Variants in ASB9 observed in about 807,000 individuals in gnomAD.
ASB9 encodes the protein ankyrin repeat and SOCS box containing 9.
In ASB9, 5 loss-of-function variants were observed where a neutral mutation model predicts 16.6. The ratio of observed to expected loss-of-function variants is 0.30; its 90% CI spans 0.16 to 0.63. The LOEUF is 0.63. Among genes scored for constraint, ASB9 ranks in the 30% least tolerant of loss-of-function variants. The pLI, the probability that ASB9 is intolerant of heterozygous loss-of-function variation, is 0.82. For missense variants in ASB9, 216 were observed against 229.4 expected, an observed-to-expected ratio of 0.94 and a Z score of 0.38; for synonymous variants, 100 against 86.4, an observed-to-expected ratio of 1.16 and a Z score of -0.87.
intron 2 of ASB9, among the ~76,000 whole-genome samples, chrX:15,257,409 AAATAAT>A (rs928149648): frequency 3.6e-5 from 4 of 110,003 alleles, no homozygotes; most frequent in African/African-American, 6.6e-5. Context: ...CATCTCAAAA[AAATAAT>A]AATAATAATA....
chrX:15,268,864 G>A (rs1448100394), intron 1 of ASB9, among the ~76,000 whole-genome samples: 1 of 110,690 alleles, frequency 9.0e-6, no homozygotes, highest in East Asian at 2.9e-4. Flanking sequence ...CAGCAGGGCT[G>A]CTGCAACACC....
chrX:15,259,080 C>G, intron 1 of ASB9, 135 bp from the exon 2 acceptor site: 1 of 409,001 alleles, frequency 2.4e-6, no homozygotes. Context: ...AAATTCCCAT[C>G]AGGAATTCAG....
rs748125526 is a variant in ASB9, at chrX:15,269,770, CT to C, written c.94+10del. 2 of 1,199,531 alleles carry C rather than the reference CT, an allele frequency of 1.7e-6. No individual in the cohort carries two copies. The highest frequency in any genetic ancestry group is 1.8e-5 in the African/African-American group (1 of 56,946). ...CTCCCCAGGGCTGATTCCACTGCCC[CT>C]ATGACTCACCGCCCATCAATGGGTT... On this transcript the variant is annotated intron_variant, in intron 1 of 6. Coordinates refer to ENST00000380488, the MANE Select transcript of ASB9 (RefSeq NM_001031739.3).
In ASB9 at chrX:15,270,073, C is replaced by T; in HGVS notation, c.-199G>A. ...CTACCTGTGATCAGAGAGAGGCATG[C>T]GCTCGTGTACACACACACACACACA... On this transcript the variant is annotated 5_prime_UTR_variant, in exon 1 of 7. Transcript: ENST00000380488. 2.8e-6 allele frequency: 1 copy of T among 353,385 alleles called. No individual in the cohort carries two copies. The highest frequency in any genetic ancestry group is 4.8e-5 in the East Asian group (1 of 20,753). The allele number at this position is 353,385 out of a possible 1,213,427, so 29.1% of individuals were successfully genotyped here.
At chrX:15,251,068 G>A (rs1157103352) in intron 4 of ASB9, among the ~76,000 whole-genome samples, 1 of 112,489 alleles carries the variant, frequency 8.9e-6, no homozygotes, top group Non-Finnish European at 1.9e-5. Context: ...TTTGACCATA[G>A]GATGCAATCT....
chrX:15,262,650 G>A lies in ASB9; in HGVS notation c.95-3705C>T, dbSNP rs763829402. Among the ~76,000 whole-genome samples, 121 of 112,665 alleles carry A rather than the reference G, an allele frequency of 1.1e-3. No individual in the cohort carries two copies. The Admixed American group carries it at 0.011, about 10-fold the overall frequency. On this transcript the variant is annotated intron_variant, in intron 1 of 6. Transcript: ENST00000380488. The stretch of plus-strand genomic sequence containing the variant: ...GTGTGTAATGTTCTGTTGGTTTTTT[G>A]AGACGGAGTCTCATTCTGTCACCCA...
Position 15,269,793 on chromosome X carries a change from G to A in ASB9, c.82C>T (p.Pro28Ser). 1 of 1,207,242 alleles carries A rather than the reference G, an allele frequency of 8.3e-7. No homozygotes were observed. Among genetic ancestry groups the A allele is most frequent in the Non-Finnish European group, 1.1e-6 (1 of 893,241 alleles). ...DFPGIRLLSN[P>S]LMGDAVSDWS... is the part of the protein sequence containing the mutation. ...CCCTATGACTCACCGCCCATCAATG[G>A]GTTTGAAAGAAGCCTGATGCCAGGA... The change falls in exon 1 of 7, where the codon CCA becomes TCA. Residue 28 changes from proline (P) to serine (S), a missense_variant. Physicochemically the swap from Pro to Ser is moderately conservative, Grantham distance 74. Transcript: ENST00000380488.
chrX:15,251,465 T>C (rs962178651), intron 4 of ASB9, among the ~76,000 whole-genome samples: 5 of 112,351 alleles, frequency 4.5e-5, no homozygotes, highest in Non-Finnish European at 7.5e-5. Context: ...ACGTTTCTCT[T>C]GCTGTATTTT....
At chrX:15,254,894 TG>T (rs780087584) in intron 2 of ASB9, 50 bp from the exon 3 acceptor site, 3 of 1,038,599 alleles carry the variant, frequency 2.9e-6, no homozygotes, top group Non-Finnish European at 4.0e-6. Flanking sequence ...AACAGTGCCC[TG>T]GGGCTGCTTT....
intron 3 of ASB9, among the ~76,000 whole-genome samples, chrX:15,252,988 C>T (rs1377386936): frequency 2.7e-5 from 3 of 112,160 alleles, no homozygotes; most frequent in Non-Finnish European, 3.8e-5. Context: ...AATCCCAGCA[C>T]TTTGGGAGGC....
At chrX:15,254,941 T>A (rs1004392884) in intron 2 of ASB9, 97 bp from the exon 3 acceptor site, 1 of 650,075 alleles carries the variant, frequency 1.5e-6, no homozygotes, top group African/African-American at 2.2e-5. Context: ...AAAGCTGACC[T>A]GGCTCAAAGT....
intron 4 of ASB9, among the ~76,000 whole-genome samples, chrX:15,250,795 T>C (rs746372526): frequency 2.1e-4 from 23 of 111,933 alleles, no homozygotes; most frequent in East Asian, 5.6e-4. Flanking sequence ...AATCTCGGCT[T>C]ACTGCAAGCT....
At chrX:15,255,075 A>G (rs1925430940) in intron 2 of ASB9, among the ~76,000 whole-genome samples, 1 of 111,685 alleles carries the variant, frequency 9.0e-6, no homozygotes. Flanking sequence ...AGAGCTGACA[A>G]TGCATATGCC....
intron 4 of ASB9, among the ~76,000 whole-genome samples, chrX:15,251,111 T>C (rs969166965): frequency 8.9e-6 from 1 of 112,577 alleles, no homozygotes; most frequent in Non-Finnish European, 1.9e-5. Context: ...TTGAGTTTAC[T>C]AGCCACGGTA....
Position 15,244,410 on chromosome X carries a change from T to G in ASB9, c.*96A>C. ...ATACAAATCTAATCGAAAAAACTAG[T>G]CAAACTCTATAAATCCAACTTGATT... On this transcript the variant is annotated 3_prime_UTR_variant, in exon 7 of 7. Transcript: ENST00000380488. 9.9e-7 allele frequency: 1 copy of G among 1,011,050 alleles called. No individual in the cohort carries two copies. 83.3% of individuals were successfully genotyped at this position (1,011,050 alleles called of 1,213,427 possible).
intron 1 of ASB9, among the ~76,000 whole-genome samples, chrX:15,267,752 C>CAAAAAAAA (rs76177108): frequency 1.2e-5 from 1 of 83,622 alleles, no homozygotes; most frequent in African/African-American, 4.4e-5. Context: ...TCAAAAAAAA[C>CAAAAAAAA]AAAAAAAAAA....
chrX:15,249,026 C>T (rs1924896733), intron 5 of ASB9, 91 bp from the exon 6 acceptor site: 2 of 914,309 alleles, frequency 2.2e-6, no homozygotes. Flanking sequence ...AATTTCCTAA[C>T]AAGAGGGGAT....
rs1425516433 is a variant in ASB9, at chrX:15,252,244, A to G, written c.433+10T>C. ...GAGTGGGTAGAAAAAAAAATTCTCA[A>G]CAGATTTACCTCTCCTAGCAGCTTC... On this transcript the variant is annotated intron_variant, in intron 4 of 6. Coordinates refer to ENST00000380488, the MANE Select transcript of ASB9 (RefSeq NM_001031739.3). The G allele has an allele frequency of 1.7e-6, 2 of 1,183,315 alleles. No individual in the cohort carries two copies. The highest frequency in any genetic ancestry group is 2.3e-6 in the Non-Finnish European group (2 of 883,686).
At position 15,256,645 on chromosome X, in the gene ASB9, G is replaced by C. The variant is rs780401045; in HGVS notation, c.175-1801C>G. ...ACAAAAAATTAGCCGGGCGAGGTGGGGGACACCTGTAGTCCCAGCTACTCG... is the reference window on the plus strand; with the variant it reads ...ACAAAAAATTAGCCGGGCGAGGTGGCGGACACCTGTAGTCCCAGCTACTCG... On this transcript the variant is annotated intron_variant, in intron 2 of 6. Transcript: ENST00000380488. Among the ~76,000 whole-genome samples, 701 of 103,365 alleles carry C rather than the reference G, an allele frequency of 6.8e-3. 7 individuals carry two copies. The highest frequency in any genetic ancestry group is 0.024 in the African/African-American group (656 of 27,577). 89.8% of individuals were successfully genotyped at this position (103,365 alleles called of 115,157 possible).
Sources: gnomAD v4.1 joint callset for allele counts (sites outside exome capture counted in the v4.1 genomes callset) on GRCh38, gnomAD v4.1.1 for gene constraint, MANE v1.5 for transcripts, NCBI Gene and HGNC (gene_info 2026-07-23, HGNC 2026-07-21) for gene names.